Variants in PRRC2A observed in about 807,000 individuals in gnomAD.
PRRC2A encodes the protein proline rich coiled-coil 2A.
In PRRC2A, 59 loss-of-function variants were observed where a neutral mutation model predicts 224.6. That is an observed-to-expected ratio of 0.26 (90% confidence interval 0.21 to 0.33). PRRC2A has a LOEUF of 0.33. Among genes scored for constraint, PRRC2A ranks in the 10% least tolerant of loss-of-function variants. PRRC2A has a pLI of 1.00. For missense variants in PRRC2A, 3,095 were observed against 2,880.7 expected, an observed-to-expected ratio of 1.07 and a Z score of -1.70; for synonymous variants, 1,194 against 1,109.5, an observed-to-expected ratio of 1.08 and a Z score of -1.51.
chr6:31,626,578 G>A (rs1414178194), intron 9 of PRRC2A, among the ~76,000 whole-genome samples, 194 bp from the exon 10 acceptor site: 1 of 151,978 alleles, frequency 6.6e-6, no homozygotes, highest in African/African-American at 2.4e-5. Flanking sequence ...AAAGAGTAGG[G>A]GAGGATGGAT....
In PRRC2A at chr6:31,624,380, G is replaced by C. The variant is rs1485615114; in HGVS notation, c.390+20G>C. 1.3e-5 allele frequency: 21 copies of C among 1,611,694 alleles called. No individual in the cohort carries two copies. Among genetic ancestry groups the C allele is most frequent in the Non-Finnish European group, 1.8e-5 (21 of 1,177,780 alleles). Reference sequence around the variant, plus strand: ...CCCGAGGTACCTGGAGAACTGGAGGGGTGGGGAGGAAGAATGGTTCATAGC... The same window carrying C: ...CCCGAGGTACCTGGAGAACTGGAGGCGTGGGGAGGAAGAATGGTTCATAGC... On this transcript the variant is annotated intron_variant, in intron 4 of 30. Transcript: ENST00000376033.
At position 31,632,568 on chromosome 6, in the gene PRRC2A, C is replaced by T. The variant is rs1436461685; in HGVS notation, c.3895C>T (p.Pro1299Ser). 3 of 1,612,458 alleles carry T rather than the reference C, an allele frequency of 1.9e-6. No homozygotes were observed. The highest frequency in any genetic ancestry group is 1.1e-5 in the South Asian group (1 of 91,030). The change falls in exon 16 of 31, where the codon CCT (proline) becomes TCT (serine). Residue 1299 changes from proline to serine, a missense_variant. Physicochemically the swap from Pro to Ser is moderately conservative, Grantham distance 74. Transcript: ENST00000376033. ...CACAACAGTCACAGTGGCCCCAGCA[C>T]CTCGCCGGGCAGCTGCCAAGTCTCC... ...ALTTVTVAPA[P>S]RRAAAKSPDL...
At chr6:31,621,380 C>T (rs1262557882) in intron 1 of PRRC2A, among the ~76,000 whole-genome samples, 1 of 152,198 alleles carries the variant, frequency 6.6e-6, no homozygotes, top group Non-Finnish European at 1.5e-5. Context: ...CTATGTTGCT[C>T]AGTCGCCCTA....
chr6:31,625,815 C>T lies in PRRC2A; in HGVS notation c.783C>T (p.Phe261=). The T allele has an allele frequency of 1.3e-6, 2 of 1,585,064 alleles. No individual in the cohort carries two copies. Among genetic ancestry groups the T allele is most frequent in the South Asian group, 1.1e-5 (1 of 90,472 alleles). ...AGATGTATCCCCCATATCTCCCGTT[C>T]CCTCCGCCCTATGGACCCCAGGGGC... The part of the protein sequence containing the change: ...PPFMYPPYLP[F]PPPYGPQGPY... The change falls in exon 8 of 31, where the codon TTC becomes TTT. Residue 261 remains phenylalanine (F), a synonymous_variant. Transcript: ENST00000376033. This position sits in a 1 kb window ranked among gnomAD's most constrained non-coding sequence, Gnocchi z 4.1.
Position 31,627,977 on chromosome 6 carries a change from C to T in PRRC2A, c.1503C>T (p.Asp501=), listed in dbSNP as rs551329363. ...TCGATGAAAAGTTTGGGGCACCTGA[C>T]AAGCGGCTCAAAGCAGAGCCTGCTG... is the stretch of plus-strand genomic sequence containing the variant. The part of the protein sequence containing the change: ...KRLDEKFGAP[D]KRLKAEPAAP... Residue 501 remains aspartate, a synonymous_variant, in exon 12 of 31, where the codon GAC becomes GAT. Transcript: ENST00000376033. The surrounding 1 kb of genome is among the most constrained non-coding windows in gnomAD (Gnocchi z 5.6). The T allele has an allele frequency of 1.6e-5, 26 of 1,613,000 alleles. No individual in the cohort carries two copies. In the East Asian group the frequency reaches 1.8e-4, roughly 11 times the overall value.
intron 5 of PRRC2A, 109 bp downstream of exon 5, chr6:31,624,631 A>T: frequency 8.1e-7 from 1 of 1,232,218 alleles, no homozygotes; most frequent in Non-Finnish European, 1.2e-6. Flanking sequence ...TAAATCAAGG[A>T]CCACCCATAT....
chr6:31,637,010 A>C (rs780084931), intron 28 of PRRC2A, 32 bp from the exon 29 acceptor site: 2 of 1,596,524 alleles, frequency 1.3e-6, no homozygotes, highest in African/African-American at 2.7e-5. Context: ...CTGTATTTCA[A>C]GGTAGGCAGC....
rs1203205112 is a variant in PRRC2A, at chr6:31,622,809, C to G, written c.20C>G (p.Pro7Arg). ...AGCGCAATGTCCGATCGCTCGGGGC[C>G]GACTGCCAAGGGAAAGGATGGAAAG... MSDRSGPTAKGKDGKKY... is the reference protein window; with the variant it reads MSDRSGRTAKGKDGKKY... Residue 7 changes from proline to arginine, a missense_variant, in exon 2 of 31, where the codon CCG becomes CGG. This residue lies in a region of PRRC2A where 64 missense variants were observed against 68.2 expected (regional missense o/e 0.94). Transcript: ENST00000376033. The G allele has an allele frequency of 6.2e-7, 1 of 1,613,880 alleles. No homozygotes were observed.
rs769920566 is a variant in PRRC2A at position 31,631,702 on chromosome 6, G to T, written c.3029G>T (p.Arg1010Leu). 1.3e-6 allele frequency: 2 copies of T among 1,516,792 alleles called. No homozygotes were observed. Among genetic ancestry groups the T allele is most frequent in the East Asian group, 4.6e-5 (2 of 43,664 alleles). The allele number at this position is 1,516,792 out of a possible 1,614,324, so 94.0% of individuals were successfully genotyped here. ...AATCTTTCCCCTGCCCCAAGGCTTC[G>T]GAGGGACTATTCGTATGAAAGAGTG... ...NGNLSPAPRL[R>L]RDYSYERVGP... is the part of the protein sequence containing the mutation. The change falls in exon 16 of 31, where the codon CGG (arginine) becomes CTG (leucine). Residue 1010 changes from arginine (R) to leucine (L), a missense_variant. Arg to Leu is a moderately radical substitution (Grantham distance 102). This residue lies in a region of PRRC2A where 2,001 missense variants were observed against 1,764.9 expected (regional missense o/e 1.13). Transcript: ENST00000376033. This position sits in a 1 kb window ranked among gnomAD's most constrained non-coding sequence, Gnocchi z 4.5.
intron 3 of PRRC2A, 92 bp from the exon 4 acceptor site, chr6:31,624,169 A>AT: frequency 1.6e-6 from 2 of 1,273,796 alleles, no homozygotes; most frequent in South Asian, 2.6e-5. Context: ...AAATGGTAGC[A>AT]ATGGGCATGA....
chr6:31,627,198 A>G lies in PRRC2A; in HGVS notation c.1290A>G (p.Pro430=). 1 of 1,588,402 alleles carries G rather than the reference A, an allele frequency of 6.3e-7. No homozygotes were observed. Among genetic ancestry groups the G allele is most frequent in the Non-Finnish European group, 8.6e-7 (1 of 1,159,112 alleles). Residue 430 remains proline, a splice_region_variant and synonymous_variant, in exon 11 of 31, where the codon CCA becomes CCG. Transcript: ENST00000376033. This position sits in a 1 kb window ranked among gnomAD's most constrained non-coding sequence, Gnocchi z 5.6. The part of the protein sequence containing the change: ...AGNWGPPGDY[P]DRGGPPCKPP... ...ACTGGGGCCCCCCTGGGGACTACCC[A>G]GTGAGTGTCTCCAATAAGGGATTGA...
At position 31,625,164 on chromosome 6, in the gene PRRC2A, C is replaced by T. The variant is rs1775762204; in HGVS notation, c.464-7C>T. On this transcript the variant is annotated splice_polypyrimidine_tract_variant and splice_region_variant and intron_variant, in intron 5 of 30. Coordinates refer to ENST00000376033, the MANE Select transcript of PRRC2A (RefSeq NM_004638.4). This position sits in a 1 kb window ranked among gnomAD's most constrained non-coding sequence, Gnocchi z 4.1. ...CTGTCTCCTGTTCTGCATCCCCATC[C>T]TAATAGGTGGAAGGGCATCAAGCCT... 4 of 1,609,936 alleles carry T rather than the reference C, an allele frequency of 2.5e-6. No homozygotes were observed. The highest frequency in any genetic ancestry group is 2.2e-5 in the South Asian group (2 of 90,992).
chr6:31,631,021 G>A lies in PRRC2A; in HGVS notation c.2466-118G>A. ...GCCTCGGCAACTGGATGCCATCTCT[G>A]CCAAAACAAACAGAAAAATAGTAAA... is the stretch of plus-strand genomic sequence containing the variant. On this transcript the variant is annotated intron_variant, in intron 15 of 30. Coordinates refer to ENST00000376033, the MANE Select transcript of PRRC2A (RefSeq NM_004638.4). The surrounding 1 kb of genome is among the most constrained non-coding windows in gnomAD (Gnocchi z 4.5). The A allele has an allele frequency of 7.8e-7, 1 of 1,287,180 alleles. No individual in the cohort carries two copies. The allele number at this position is 1,287,180 out of a possible 1,614,324, so 79.7% of individuals were successfully genotyped here.
chr6:31,623,176 T>C (rs1410119153), intron 2 of PRRC2A: 1 of 726,748 alleles, frequency 1.4e-6, no homozygotes, highest in Non-Finnish European at 2.5e-6. Flanking sequence ...GCCAGCTTGC[T>C]TCTTGCAGGC....
Position 31,634,133 on chromosome 6 carries a change from CTTG to C in PRRC2A, c.4720-98_4720-96del, listed in dbSNP as rs549751873. 9.8e-5 allele frequency: 154 copies of C among 1,563,666 alleles called. 1 individual carries two copies. The highest frequency in any genetic ancestry group is 6.1e-4 in the South Asian group (52 of 84,876). Reference sequence around the variant, plus strand: ...CAGTATTAGTCTCCCATGTGTCTCCCTTGTTGTCCCCACACCCTGTGTCACCCC... The same window carrying C: ...CAGTATTAGTCTCCCATGTGTCTCCCTTGTCCCCACACCCTGTGTCACCCC... On this transcript the variant is annotated intron_variant, in intron 18 of 30. Coordinates refer to ENST00000376033, the MANE Select transcript of PRRC2A (RefSeq NM_004638.4).
Position 31,628,230 on chromosome 6 carries a change from G to A in PRRC2A, c.1756G>A (p.Ala586Thr). The stretch of plus-strand genomic sequence containing the variant: ...TAGCACCAGCAGTGGCAGCTTCGAA[G>A]CCAGCCCAGGTATGGAGATGGGGAT... ...TSSTSSGSFEASPVEPQLPSK... is the reference protein window; with the variant it reads ...TSSTSSGSFETSPVEPQLPSK... Residue 586 changes from alanine (A) to threonine (T), a missense_variant, in exon 12 of 31, where the codon GCC becomes ACC. This residue lies in a region of PRRC2A where 2,001 missense variants were observed against 1,764.9 expected (regional missense o/e 1.13). Transcript: ENST00000376033. The A allele has an allele frequency of 6.2e-7, 1 of 1,610,040 alleles. No homozygotes were observed. The highest frequency in any genetic ancestry group is 8.5e-7 in the Non-Finnish European group (1 of 1,179,358).
In PRRC2A at chr6:31,627,099, G is replaced by A. The variant is rs761205289; in HGVS notation, c.1191G>A (p.Arg397=). The change falls in exon 11 of 31, where the codon CGG becomes CGA. Residue 397 remains arginine, a synonymous_variant. Transcript: ENST00000376033. This position sits in a 1 kb window ranked among gnomAD's most constrained non-coding sequence, Gnocchi z 5.6. ...TPKTAWAETS[R]PPETEPGPPA... Reference sequence around the variant, plus strand: ...AGACGGCCTGGGCAGAAACCTCTCGGCCTCCAGAGACAGAGCCGGGACCTC... The same window carrying A: ...AGACGGCCTGGGCAGAAACCTCTCGACCTCCAGAGACAGAGCCGGGACCTC... The A allele has an allele frequency of 1.9e-5, 31 of 1,613,964 alleles. No individual in the cohort carries two copies. Among genetic ancestry groups the A allele is most frequent in the Admixed American group, 5.0e-5 (3 of 59,990 alleles).
chr6:31,636,553 C>G lies in PRRC2A; in HGVS notation c.5879C>G (p.Pro1960Arg), dbSNP rs766167972. Residue 1960 changes from proline to arginine, a missense_variant, in exon 27 of 31, where the codon CCT (proline) becomes CGT (arginine). Around this residue, in one of 8 missense-constraint regions of PRRC2A, gnomAD observed 662 missense variants for 609.5 expected, o/e 1.09. Transcript: ENST00000376033. This position sits in a 1 kb window ranked among gnomAD's most constrained non-coding sequence, Gnocchi z 4.3. ...LPSPSDFYST[P>R]LQPGGQSGFL... ...TCCCCTTCGGATTTTTATTCTACTC[C>G]TCTGCAGCCTGGTGGCCAAAGTGGC... is the stretch of plus-strand genomic sequence containing the variant. The G allele has an allele frequency of 3.7e-6, 6 of 1,609,028 alleles. No individual in the cohort carries two copies. Among genetic ancestry groups the G allele is most frequent in the Admixed American group, 1.7e-5 (1 of 59,360 alleles).
intron 20 of PRRC2A, 24 bp from the exon 21 acceptor site, chr6:31,634,729 T>C (rs1332564434): frequency 3.1e-6 from 5 of 1,607,036 alleles, no homozygotes; most frequent in Non-Finnish European, 4.3e-6. Flanking sequence ...CTGACTTAAC[T>C]AGCTCCTTCT....
Sources: allele counts gnomAD v4.1 joint callset (sites outside exome capture counted in the v4.1 genomes callset), GRCh38; gene constraint gnomAD v4.1.1; regional missense constraint gnomAD v4.1.1; non-coding constraint Gnocchi (gnomAD v3.1); transcripts MANE v1.5; gene names NCBI Gene and HGNC (gene_info 2026-07-23, HGNC 2026-07-21).